The following NBPF9 variants were observed in gnomAD, a reference collection of about 807,000 sequenced individuals.
The protein encoded by NBPF9 is NBPF family member NBPF9.
Under a neutral mutation model 97.8 loss-of-function variants are expected in NBPF9, and 91 were observed. The ratio of observed to expected loss-of-function variants is 0.93; its 90% CI spans 0.79 to 1.11. NBPF9 has a LOEUF of 1.11. NBPF9 is among the 50% of genes least tolerant of loss of function. NBPF9 has a pLI of 0.00. For synonymous variants in NBPF9, 334 were observed against 359.5 expected (o/e 0.93, Z 0.80); for missense variants, 992 against 939.5 (o/e 1.06, Z -0.73).
At chr1:149,059,447 T>G in intron 25 of NBPF9, 1 of 398,526 alleles carries the variant, frequency 2.5e-6, no homozygotes, top group East Asian at 3.5e-5. Context: ...CCATAAAATA[T>G]GCTCAAAATT....
intron 8 of NBPF9, among the ~76,000 whole-genome samples, chr1:149,079,797 T>C (rs1220289632): frequency 5.3e-5 from 8 of 152,134 alleles, no homozygotes; most frequent in Non-Finnish European, 8.8e-5. Flanking sequence ...ACTCCTTTGG[T>C]GAATTTTGTG....
chr1:149,088,003 TTG>T (rs1185984628), intron 5 of NBPF9, among the ~76,000 whole-genome samples: 1 of 151,346 alleles, frequency 6.6e-6, no homozygotes, highest in Non-Finnish European at 1.5e-5. Flanking sequence ...AGCTAATTTT[TTG>T]TATTTTTAGT....
At chr1:149,071,784 C>A in intron 14 of NBPF9, 108 bp from the exon 15 acceptor site, 1 of 680,660 alleles carries the variant, frequency 1.5e-6, no homozygotes. Context: ...GGTCACCGTT[C>A]AACTGAAAAC....
At chr1:149,057,723 AC>A (rs2078303629) in intron 27 of NBPF9, among the ~76,000 whole-genome samples, 1 of 91,294 alleles carries the variant, frequency 1.1e-5, no homozygotes, top group Non-Finnish European at 2.4e-5. Flanking sequence ...ACACACACAC[AC>A]ACACACACAC....
intron 17 of NBPF9, among the ~76,000 whole-genome samples, chr1:149,068,956 G>A (rs1243949249): frequency 3.9e-5 from 6 of 151,960 alleles, no homozygotes; most frequent in Non-Finnish European, 7.4e-5. Flanking sequence ...TTAGAACTCA[G>A]GATTAAGAAA....
intron 20 of NBPF9, 92 bp from the exon 21 acceptor site, chr1:149,063,005 G>A (rs1442295891): frequency 6.7e-6 from 4 of 599,840 alleles, no homozygotes; most frequent in South Asian, 2.0e-5. Flanking sequence ...GGGACTTCAG[G>A]CTCCTCAGCA....
At chr1:149,099,185 G>A (rs2081983150) in intron 3 of NBPF9, among the ~76,000 whole-genome samples, 2 of 152,366 alleles carry the variant, frequency 1.3e-5, no homozygotes, top group Admixed American at 1.3e-4. Flanking sequence ...GTGTGTGGGT[G>A]TAGTTAATGC....
intron 8 of NBPF9, among the ~76,000 whole-genome samples, chr1:149,079,567 C>T (rs1415068105): frequency 6.8e-6 from 1 of 147,878 alleles, no homozygotes; most frequent in Non-Finnish European, 1.5e-5. Flanking sequence ...GTGCATCTTG[C>T]GGCCACTAGA....
intron 24 of NBPF9, chr1:149,060,081 C>T: frequency 3.4e-6 from 1 of 297,886 alleles, no homozygotes; most frequent in South Asian, 4.3e-5. Context: ...CCATATTTTT[C>T]CAATCAATTT....
chr1:149,059,324 C>T lies in NBPF9; in HGVS notation c.2586-227G>A, dbSNP rs1192913905. ...GAGACAGAGACAGAGAGAAAGTGAC[C>T]TAGTGAATTGGCCGGGTGACACACT... On this transcript the variant is annotated intron_variant, in intron 25 of 29. Transcript: ENST00000584027. 3.6e-5 allele frequency: 17 copies of T among 474,886 alleles called. 5 individuals are homozygous for T. The highest frequency in any genetic ancestry group is 6.5e-5 in the Admixed American group (2 of 30,756). The allele number at this position is 474,886 out of a possible 1,614,324, so 29.4% of individuals were successfully genotyped here.
At chr1:149,073,978 G>T in intron 12 of NBPF9, 108 bp from the exon 13 acceptor site, 1 of 634,294 alleles carries the variant, frequency 1.6e-6, no homozygotes, top group South Asian at 1.8e-5. Flanking sequence ...ACTCTCCCCA[G>T]TACCAGGGTC....
At chr1:149,055,645 G>T in exon 30 of NBPF9, 2 of 1,610,054 alleles carry the variant, frequency 1.2e-6, no homozygotes. Flanking sequence ...TCTCGGCTTA[G>T]TAAGGGCTGC....
At chr1:149,078,116 C>G (rs75458761) in intron 9 of NBPF9, among the ~76,000 whole-genome samples, 161 bp from the exon 10 acceptor site, 35 of 150,186 alleles carry the variant, frequency 2.3e-4, no homozygotes, top group East Asian at 3.9e-4. Context: ...TGGTTTCCTG[C>G]TCCATCGGGC....
chr1:149,055,329 A>G, exon 30 of NBPF9: 1 of 504,110 alleles, frequency 2.0e-6, no homozygotes, highest in Non-Finnish European at 3.5e-6. Flanking sequence ...TTGAGCAGGT[A>G]TAGAAGCTCA....
intron 4 of NBPF9, among the ~76,000 whole-genome samples, chr1:149,095,619 A>C (rs1466120677): frequency 9.8e-6 from 1 of 101,842 alleles, no homozygotes; most frequent in East Asian, 3.3e-4. Context: ...TAAACAACAC[A>C]AAGCAAAAAA....
chr1:149,062,399 A>G, intron 21 of NBPF9, 134 bp from the exon 22 acceptor site: 1 of 674,244 alleles, frequency 1.5e-6, no homozygotes, highest in East Asian at 2.7e-5. Flanking sequence ...GTAATGAATT[A>G]TTGCCTTTAG....
chr1:149,075,671 G>A (rs1230580498), exon 12 of NBPF9: 4 of 1,610,102 alleles, frequency 2.5e-6, no homozygotes, highest in Admixed American at 1.7e-5. Context: ...TGTTCTGCTG[G>A]TTGGCCAGGA....
At chr1:149,088,858 CAAG>C (rs1232820713) in intron 5 of NBPF9, among the ~76,000 whole-genome samples, 1 of 151,552 alleles carries the variant, frequency 6.6e-6, no homozygotes, top group Non-Finnish European at 1.5e-5. Context: ...TCCCCTCAGT[CAAG>C]AAGCTCCAGG....
chr1:149,063,967 C>T (rs587755185), intron 19 of NBPF9, among the ~76,000 whole-genome samples, 162 bp from the exon 20 acceptor site: 74 of 139,238 alleles, frequency 5.3e-4, no homozygotes, highest in African/African-American at 1.9e-3. Context: ...TAGACTAGGG[C>T]CAGGTAGAAA....
Sources: gnomAD v4.1 joint callset for allele counts (sites outside exome capture counted in the v4.1 genomes callset) on GRCh38, gnomAD v4.1.1 for gene constraint, MANE v1.5 for transcripts, NCBI Gene and HGNC (gene_info 2026-07-23, HGNC 2026-07-21) for gene names.